FAM178B: variants seen among roughly 807,000 people sequenced by gnomAD.
The protein encoded by FAM178B is protein FAM178B.
A neutral mutation model predicts 91.7 loss-of-function variants in FAM178B; 82 were observed. That is an observed-to-expected ratio of 0.89 (90% CI 0.75 to 1.07). The LOEUF (loss-of-function observed/expected upper bound fraction) is 1.07, where lower values mean the gene tolerates loss of function less well. Ranked by LOEUF, FAM178B falls within the 50% of genes least tolerant of loss-of-function variation. The pLI is 0.00. For missense variants in FAM178B, 769 were observed against 846.7 expected, an observed-to-expected ratio of 0.91 and a Z score of 1.14; for synonymous variants, 368 against 359.4, an observed-to-expected ratio of 1.02 and a Z score of -0.27.
intron 7 of FAM178B, chr2:96,950,179 C>T: frequency 3.0e-6 from 3 of 985,484 alleles, no homozygotes; most frequent in Non-Finnish European, 3.6e-6. Context: ...TGGGTGCCGT[C>T]TCAGATGGGT....
At chr2:96,945,529 A>C (rs2081812997) in intron 8 of FAM178B, among the ~76,000 whole-genome samples, 1 of 151,858 alleles carries the variant, frequency 6.6e-6, no homozygotes, top group Admixed American at 6.6e-5. Flanking sequence ...AAGCGGCTTG[A>C]ACACACACAC....
At chr2:96,905,708 G>A (rs2081017602) in intron 12 of FAM178B, among the ~76,000 whole-genome samples, 1 of 149,166 alleles carries the variant, frequency 6.7e-6, no homozygotes, top group Admixed American at 6.7e-5. Context: ...AAGCCGAGGT[G>A]GGCGGATCAC....
At chr2:96,970,630 T>G in intron 4 of FAM178B, 86 bp downstream of exon 4, 1 of 1,081,336 alleles carries the variant, frequency 9.2e-7, no homozygotes, top group South Asian at 1.4e-5. Context: ...GCCGCTGTAC[T>G]CCGACCAGAC....
At chr2:96,880,626 G>A (rs1343830956) in intron 14 of FAM178B, among the ~76,000 whole-genome samples, 1 of 151,292 alleles carries the variant, frequency 6.6e-6, no homozygotes, top group South Asian at 2.1e-4. Context: ...ACGGAGTCTC[G>A]CTCTGTTGCC....
intron 12 of FAM178B, among the ~76,000 whole-genome samples, chr2:96,911,140 C>T (rs1211911529): frequency 1.3e-5 from 2 of 152,074 alleles, no homozygotes; most frequent in African/African-American, 2.4e-5. Flanking sequence ...AGACAAAGCA[C>T]GAGTGTGCTG....
At chr2:96,937,295 T>C (rs1366810343) in intron 8 of FAM178B, among the ~76,000 whole-genome samples, 3 of 152,190 alleles carry the variant, frequency 2.0e-5, no homozygotes, top group African/African-American at 7.2e-5. Context: ...GGGTGTGGAC[T>C]AGGCTTTGGA....
intron 8 of FAM178B, among the ~76,000 whole-genome samples, chr2:96,932,605 G>A (rs757557167): frequency 3.9e-5 from 6 of 152,188 alleles, no homozygotes; most frequent in Non-Finnish European, 7.3e-5. Flanking sequence ...GTCATTTTAG[G>A]TGATGCCCAG....
chr2:96,945,084 G>A (rs1389404507), intron 8 of FAM178B, among the ~76,000 whole-genome samples: 1 of 152,074 alleles, frequency 6.6e-6, no homozygotes, highest in Non-Finnish European at 1.5e-5. Context: ...TCCTCTCTTT[G>A]CCATCTAGCG....
intron 1 of FAM178B, among the ~76,000 whole-genome samples, chr2:96,973,576 A>G (rs986319699): frequency 1.3e-5 from 2 of 152,232 alleles, no homozygotes; most frequent in Non-Finnish European, 2.9e-5. Flanking sequence ...AAAGGCTAAT[A>G]AAGAGTCTAA....
chr2:96,937,689 G>C (rs1322819769), intron 8 of FAM178B, among the ~76,000 whole-genome samples: 1 of 152,182 alleles, frequency 6.6e-6, no homozygotes, highest in Non-Finnish European at 1.5e-5. Context: ...CAGTACTGGG[G>C]GAGCTGCAGC....
intron 8 of FAM178B, 87 bp downstream of exon 8, chr2:96,947,731 T>C: frequency 1.3e-6 from 1 of 751,986 alleles, no homozygotes. Flanking sequence ...GCATCTCGCC[T>C]GCAGCTGGGC....
chr2:96,923,672 G>A, intron 9 of FAM178B, 89 bp from the exon 10 acceptor site: 1 of 929,544 alleles, frequency 1.1e-6, no homozygotes, highest in East Asian at 2.7e-5. Context: ...CTGCTGCCCT[G>A]AGGCTGCTCA....
At position 96,970,839 on chromosome 2, in the gene FAM178B, GAA is replaced by G. The variant is rs1316061555; in HGVS notation, c.565-64_565-63del. 8 of 1,147,192 alleles carry G rather than the reference GAA, an allele frequency of 7.0e-6. No homozygotes were observed. The East Asian group carries it at 2.0e-4, about 29-fold the overall frequency. 71.1% of individuals were successfully genotyped at this position (1,147,192 alleles called of 1,614,324 possible). On this transcript the variant is annotated intron_variant, in intron 3 of 16. Coordinates refer to ENST00000490605, the MANE Select transcript of FAM178B (RefSeq NM_001122646.3). ...AAGTACAAAGATAGAGGAGAAAAAAGAAAAAAAACTAAATTAAGCCCTTTATT... is the reference window on the plus strand; with the variant it reads ...AAGTACAAAGATAGAGGAGAAAAAAGAAAAAACTAAATTAAGCCCTTTATT...
intron 12 of FAM178B, among the ~76,000 whole-genome samples, chr2:96,914,865 C>T (rs778494227): frequency 2.6e-5 from 4 of 152,088 alleles, no homozygotes; most frequent in African/African-American, 9.7e-5. Flanking sequence ...ACTCCTGCCT[C>T]GGCGAAAGAG....
intron 1 of FAM178B, among the ~76,000 whole-genome samples, chr2:96,982,661 T>C (rs1169968287): frequency 1.3e-5 from 2 of 151,474 alleles, no homozygotes; most frequent in Admixed American, 6.6e-5. Context: ...CTTGAACTCC[T>C]GGGCCCAAGC....
At chr2:96,977,946 C>CGGGGG in intron 1 of FAM178B, 4 of 57,842 alleles carry the variant, frequency 6.9e-5, no homozygotes, top group South Asian at 7.9e-5. Context: ...GAGGGTGGGG[C>CGGGGG]GGGCGGGGGA....
intron 1 of FAM178B, among the ~76,000 whole-genome samples, chr2:96,979,975 T>C (rs956193358): frequency 6.6e-6 from 1 of 152,236 alleles, no homozygotes; most frequent in Non-Finnish European, 1.5e-5. Context: ...TAGCCACATG[T>C]CAGAATTCTC....
chr2:96,980,578 T>G (rs1393475259), intron 1 of FAM178B, among the ~76,000 whole-genome samples: 1 of 151,898 alleles, frequency 6.6e-6, no homozygotes, highest in Non-Finnish European at 1.5e-5. Flanking sequence ...AATTTTTTAT[T>G]TTTTGTAGAG....
chr2:96,981,423 G>C (rs878911547), intron 1 of FAM178B, among the ~76,000 whole-genome samples: 22 of 152,172 alleles, frequency 1.4e-4, no homozygotes, highest in Admixed American at 1.2e-3. Context: ...ATAAAGAAAA[G>C]TCCTTAACTT....
Sources: allele counts gnomAD v4.1 joint callset (sites outside exome capture counted in the v4.1 genomes callset), GRCh38; gene constraint gnomAD v4.1.1; transcripts MANE v1.5; gene names NCBI Gene and HGNC (gene_info 2026-07-23, HGNC 2026-07-21).